LRRC7: variants seen among roughly 807,000 people sequenced by gnomAD.
LRRC7 encodes leucine-rich repeat-containing protein 7.
In LRRC7, 23 loss-of-function variants were observed where a neutral mutation model predicts 175.7. The ratio of observed to expected loss-of-function variants is 0.13; its 90% confidence interval spans 0.09 to 0.19. The LOEUF (loss-of-function observed/expected upper bound fraction) is 0.19. Among genes scored for constraint, LRRC7 ranks in the 10% least tolerant of loss-of-function variants. The pLI is 1.00. For synonymous variants in LRRC7, 685 were observed against 680.9 expected, an observed-to-expected ratio of 1.01 and a Z score of -0.09; for missense variants, 1,354 against 1,904.7, an observed-to-expected ratio of 0.71 and a Z score of 5.38.
At chr1:69,600,855 A>G (rs1347468978) in intron 1 of LRRC7, among the ~76,000 whole-genome samples, 1 of 110,180 alleles carries the variant, frequency 9.1e-6, no homozygotes, top group Non-Finnish European at 1.7e-5. Context: ...TTTGTCACTC[A>G]GGCTGGAGTG....
At chr1:69,990,030 T>A (rs1654287536) in intron 10 of LRRC7, among the ~76,000 whole-genome samples, 1 of 152,184 alleles carries the variant, frequency 6.6e-6, no homozygotes, top group African/African-American at 2.4e-5. Context: ...CAAGTAAACA[T>A]TCATTCAAGA....
intron 2 of LRRC7, among the ~76,000 whole-genome samples, chr1:69,688,413 C>A (rs1253009856): frequency 6.6e-6 from 1 of 152,046 alleles, no homozygotes; most frequent in Non-Finnish European, 1.5e-5. Flanking sequence ...GGAGCTTATG[C>A]AACATGGGGT....
At chr1:69,581,553 A>G (rs1337766802) in intron 1 of LRRC7, among the ~76,000 whole-genome samples, 2 of 152,202 alleles carry the variant, frequency 1.3e-5, no homozygotes, top group Non-Finnish European at 2.9e-5. Context: ...TTATCCGTGT[A>G]TAACTAGAAC....
chr1:69,773,270 T>C (rs1220713541), intron 3 of LRRC7, among the ~76,000 whole-genome samples: 2 of 152,054 alleles, frequency 1.3e-5, no homozygotes, highest in African/African-American at 4.8e-5. Context: ...TCAGAATGCA[T>C]GAAGGGGAGG....
chr1:70,103,248 C>A (rs1053990550), intron 25 of LRRC7, among the ~76,000 whole-genome samples: 4 of 148,366 alleles, frequency 2.7e-5, no homozygotes, highest in South Asian at 2.2e-4. Context: ...AAAAAAAAAA[C>A]CTAATTATTC....
intron 2 of LRRC7, among the ~76,000 whole-genome samples, chr1:69,733,610 T>G (rs1667811703): frequency 1.3e-5 from 2 of 152,188 alleles, no homozygotes; most frequent in South Asian, 4.1e-4. Context: ...GGGCCTCTCC[T>G]GTTGTAACTT....
chr1:69,658,368 A>G (rs192864908), intron 1 of LRRC7, among the ~76,000 whole-genome samples: 12 of 152,160 alleles, frequency 7.9e-5, no homozygotes. Context: ...ACACCCTGAA[A>G]GTACCTTTCC....
At chr1:69,824,085 C>A (rs1001789516) in intron 4 of LRRC7, among the ~76,000 whole-genome samples, 4 of 152,152 alleles carry the variant, frequency 2.6e-5, no homozygotes, top group Non-Finnish European at 4.4e-5. Flanking sequence ...GAGACGTCAT[C>A]TTTTTCTTAA....
chr1:70,121,698 T>C, intron 26 of LRRC7, 82 bp from the exon 27 acceptor site: 1 of 871,550 alleles, frequency 1.1e-6, no homozygotes, highest in Non-Finnish European at 1.8e-6. Context: ...TGCTCAGTGC[T>C]CCCGTGAATT....
chr1:70,067,905 G>A (rs554252851), intron 23 of LRRC7, among the ~76,000 whole-genome samples: 17 of 152,120 alleles, frequency 1.1e-4, no homozygotes, highest in Non-Finnish European at 2.4e-4. Flanking sequence ...AAATTTTGGT[G>A]TCCATGTGTT....
At chr1:69,870,443 G>A (rs981382591) in intron 7 of LRRC7, among the ~76,000 whole-genome samples, 1 of 151,962 alleles carries the variant, frequency 6.6e-6, no homozygotes, top group Admixed American at 6.6e-5. Context: ...TTTTACCTGA[G>A]TAGATGGACT....
intron 2 of LRRC7, among the ~76,000 whole-genome samples, chr1:69,720,318 C>T (rs972936319): frequency 1.3e-5 from 2 of 151,514 alleles, no homozygotes; most frequent in African/African-American, 4.8e-5. Context: ...ATTGCACATT[C>T]ATCTTCAACT....
chr1:69,667,957 AT>A (rs1288525296), intron 1 of LRRC7, among the ~76,000 whole-genome samples: 1 of 150,564 alleles, frequency 6.6e-6, no homozygotes, highest in African/African-American at 2.4e-5. Context: ...ATTGCTTTTT[AT>A]TTTTTGTGTA....
intron 4 of LRRC7, among the ~76,000 whole-genome samples, chr1:69,819,117 T>C (rs1246277606): frequency 6.6e-6 from 1 of 152,156 alleles, no homozygotes; most frequent in Non-Finnish European, 1.5e-5. Flanking sequence ...TTGGGTTTGT[T>C]CTTATTTTTC....
chr1:69,583,244 T>C (rs1364397675), intron 1 of LRRC7, among the ~76,000 whole-genome samples: 1 of 152,002 alleles, frequency 6.6e-6, no homozygotes, highest in East Asian at 1.9e-4. Flanking sequence ...CTACTGTATC[T>C]AAAACTTTGG....
At chr1:70,053,333 G>C (rs1405872066) in intron 23 of LRRC7, among the ~76,000 whole-genome samples, 188 bp downstream of exon 23, 1 of 152,140 alleles carries the variant, frequency 6.6e-6, no homozygotes, top group Non-Finnish European at 1.5e-5. Flanking sequence ...ACTGCCAACT[G>C]TTCAAAGTTG....
intron 2 of LRRC7, among the ~76,000 whole-genome samples, chr1:69,707,082 G>T (rs538903917): frequency 6.6e-6 from 1 of 152,008 alleles, no homozygotes; most frequent in Non-Finnish European, 1.5e-5. Context: ...AGCAATAAGG[G>T]AATTAAGGGT....
rs763412623 is a variant in LRRC7 at position 70,038,171 on chromosome 1, G to T, written c.2347G>T (p.Ala783Ser). ...DSKPLLSQRE[A>S]VPPGNIPQRP... ...AAAGCCATTACTCAGCCAGCGGGAG[G>T]CTGTTCCCCCAGGCAATATACCACA... Residue 783 changes from alanine to serine, a missense_variant, in exon 21 of 27, where the codon GCT becomes TCT. Around this residue, in one of 4 missense-constraint regions of LRRC7, gnomAD observed 1,032 missense variants for 1,227.2 expected, o/e 0.84. Transcript: ENST00000651989. 1.2e-5 allele frequency: 20 copies of T among 1,613,850 alleles called. No homozygotes were observed. The Admixed American group carries it at 3.3e-4, about 27-fold the overall frequency.
chr1:69,832,111 G>A (rs76671031), intron 5 of LRRC7, among the ~76,000 whole-genome samples: 1 of 152,106 alleles, frequency 6.6e-6, no homozygotes, highest in Non-Finnish European at 1.5e-5. Context: ...TGGGAGATAA[G>A]CCCAGGAAAT....
Sources: gnomAD v4.1 joint callset for allele counts (sites outside exome capture counted in the v4.1 genomes callset) on GRCh38, gnomAD v4.1.1 for gene constraint, gnomAD v4.1.1 regional missense constraint, MANE v1.5 for transcripts, NCBI Gene and HGNC (gene_info 2026-07-23, HGNC 2026-07-21) for gene names.